The following GRIP1 variants were observed in gnomAD, a reference collection of about 807,000 sequenced individuals.
The protein encoded by GRIP1 is glutamate receptor-interacting protein 1.
A neutral mutation model predicts 129.9 loss-of-function variants in GRIP1; 45 were observed. That is an observed-to-expected ratio of 0.35 (90% CI 0.27 to 0.44). The LOEUF is 0.44. Among genes scored for constraint, GRIP1 ranks in the 20% least tolerant of loss-of-function variants. The pLI is 1.00. For missense variants in GRIP1, 1,196 were observed against 1,396.8 expected (o/e 0.86, Z 2.29); for synonymous variants, 530 against 520.8 (o/e 1.02, Z -0.24).
intron 13 of GRIP1, among the ~76,000 whole-genome samples, chr12:66,441,065 T>C (rs1459284884): frequency 6.6e-6 from 1 of 152,192 alleles, no homozygotes. Flanking sequence ...TATTTGTCAC[T>C]CTCCACTCAT....
intron 2 of GRIP1, among the ~76,000 whole-genome samples, chr12:66,549,963 T>C (rs901063042): frequency 2.6e-5 from 4 of 152,188 alleles, no homozygotes; most frequent in Non-Finnish European, 4.4e-5. Flanking sequence ...ATGTGATATA[T>C]GGGTCAGGAT....
intron 7 of GRIP1, among the ~76,000 whole-genome samples, chr12:66,505,107 A>C (rs1304377184): frequency 1.3e-5 from 2 of 152,176 alleles, no homozygotes; most frequent in African/African-American, 4.8e-5. Flanking sequence ...ATGTTATGTC[A>C]TTTGGCATCA....
At chr12:67,018,612 C>G (rs1423821981) in intron 1 of GRIP1, among the ~76,000 whole-genome samples, 1 of 152,012 alleles carries the variant, frequency 6.6e-6, no homozygotes, top group Non-Finnish European at 1.5e-5. Context: ...GTGTCAGGTT[C>G]CTACAAACCA....
chr12:66,549,951 A>G (rs2062071016), intron 2 of GRIP1, among the ~76,000 whole-genome samples: 1 of 152,176 alleles, frequency 6.6e-6, no homozygotes, highest in Admixed American at 6.5e-5. Flanking sequence ...ACCCCTGAAG[A>G]TATGTGATAT....
At chr12:66,445,018 T>C (rs2058581348) in intron 12 of GRIP1, among the ~76,000 whole-genome samples, 1 of 152,244 alleles carries the variant, frequency 6.6e-6, no homozygotes, top group Non-Finnish European at 1.5e-5. Context: ...GATGAATGTA[T>C]ATTCCCCCAT....
At chr12:66,663,408 T>TC (rs1403457374) in intron 1 of GRIP1, among the ~76,000 whole-genome samples, 1 of 152,194 alleles carries the variant, frequency 6.6e-6, no homozygotes, top group African/African-American at 2.4e-5. Flanking sequence ...ATGAAGGTCA[T>TC]CTACCTCTTT....
chr12:66,854,422 T>C (rs967732406), intron 1 of GRIP1, among the ~76,000 whole-genome samples: 1 of 152,030 alleles, frequency 6.6e-6, no homozygotes, highest in African/African-American at 2.4e-5. Flanking sequence ...TGAGAGCTTC[T>C]GAAGGATTTT....
chr12:67,038,279 C>T (rs1454167701), intron 1 of GRIP1, among the ~76,000 whole-genome samples: 1 of 152,192 alleles, frequency 6.6e-6, no homozygotes, highest in African/African-American at 2.4e-5. Flanking sequence ...GGTTTTCTAG[C>T]CCATCCATTC....
intron 1 of GRIP1, among the ~76,000 whole-genome samples, chr12:66,853,289 T>A (rs1408895116): frequency 6.6e-6 from 1 of 151,664 alleles, no homozygotes; most frequent in Non-Finnish European, 1.5e-5. Flanking sequence ...GGGGCAAGCT[T>A]TTTTTTTCCT....
intron 1 of GRIP1, among the ~76,000 whole-genome samples, chr12:66,617,085 T>TTGTGTGTGTGTGTGTGTGTGTGTGTGTG (rs71436017): frequency 7.4e-6 from 1 of 135,450 alleles, no homozygotes. Context: ...AACAGACGTT[T>TTGTGTGTGTGTGTGTGTGTGTGTGTGTG]TGTGTGTGTG....
At chr12:66,854,490 G>T (rs2039969625) in intron 1 of GRIP1, among the ~76,000 whole-genome samples, 1 of 151,996 alleles carries the variant, frequency 6.6e-6, no homozygotes, top group Non-Finnish European at 1.5e-5. Context: ...GTGGAGGGGG[G>T]CTTTGCTGGA....
At chr12:66,954,376 C>T (rs2041807216) in intron 1 of GRIP1, among the ~76,000 whole-genome samples, 1 of 152,148 alleles carries the variant, frequency 6.6e-6, no homozygotes. Flanking sequence ...GCTACACAGT[C>T]CTTTTGTGTG....
chr12:66,654,109 G>T (rs1330631170), intron 1 of GRIP1, among the ~76,000 whole-genome samples: 1 of 152,058 alleles, frequency 6.6e-6, no homozygotes, highest in African/African-American at 2.4e-5. Context: ...AAGCTATCAG[G>T]CACCAAACAT....
chr12:66,695,348 A>G (rs907637847), intron 1 of GRIP1, among the ~76,000 whole-genome samples: 3 of 151,480 alleles, frequency 2.0e-5, no homozygotes, highest in Non-Finnish European at 4.4e-5. Context: ...CCTGTCAGCC[A>G]CAGTATGCTG....
At position 67,037,690 on chromosome 12, in the gene GRIP1, C is replaced by T. The variant is rs10506517; in HGVS notation, c.58+31360G>A. 7.3e-3 allele frequency among the ~76,000 whole-genome samples: 1,118 copies of T among 152,136 alleles called. 32 individuals carry two copies. In the East Asian group the frequency reaches 0.11, roughly 15 times the overall value. Reference sequence around the variant, plus strand: ...ATTAAAAAAGGACTAAATCTAAGTCCTAAATCATTAAAAGCATCATTCCAT... The same window carrying T: ...ATTAAAAAAGGACTAAATCTAAGTCTTAAATCATTAAAAGCATCATTCCAT... On this transcript the variant is annotated intron_variant, in intron 1 of 1. Transcript: ENST00000643019.
chr12:67,013,299 C>T (rs925871073), intron 1 of GRIP1, among the ~76,000 whole-genome samples: 16 of 152,160 alleles, frequency 1.1e-4, no homozygotes, highest in African/African-American at 3.1e-4. Flanking sequence ...ATTACAAATG[C>T]TCTTCATTAT....
chr12:66,856,454 A>T (rs192767890), intron 1 of GRIP1, among the ~76,000 whole-genome samples: 18 of 152,276 alleles, frequency 1.2e-4, no homozygotes, highest in African/African-American at 3.8e-4. Flanking sequence ...AATGGGAGAA[A>T]ATTTTTGCAA....
At chr12:66,835,642 A>C (rs2039599467) in intron 1 of GRIP1, among the ~76,000 whole-genome samples, 1 of 152,206 alleles carries the variant, frequency 6.6e-6, no homozygotes, top group African/African-American at 2.4e-5. Context: ...TAAGTGAAAA[A>C]AGCCAATCCC....
chr12:66,473,293 C>A (rs2059496416), intron 7 of GRIP1, among the ~76,000 whole-genome samples: 2 of 152,204 alleles, frequency 1.3e-5, no homozygotes, highest in African/African-American at 4.8e-5. Context: ...CCTCTCTGGG[C>A]AGGGCATCTC....
Sources: gnomAD v4.1 joint callset for allele counts (sites outside exome capture counted in the v4.1 genomes callset) on GRCh38, gnomAD v4.1.1 for gene constraint, MANE v1.5 for transcripts, NCBI Gene and HGNC (gene_info 2026-07-23, HGNC 2026-07-21) for gene names.